Variants in OR4N5 observed in about 807,000 individuals in gnomAD.
OR4N5 encodes olfactory receptor 4N5.
For synonymous variants in OR4N5, 155 were observed against 140.6 expected (o/e 1.10, Z -0.72); for missense variants, 428 against 370.0 (o/e 1.16, Z -1.29).
Position 20,144,585 on chromosome 14 carries a change from CCT to C in OR4N5, c.851_852del (p.Pro284ArgfsTer75). 1 of 1,613,744 alleles carries C rather than the reference CCT, an allele frequency of 6.2e-7. No homozygotes were observed. The highest frequency in any genetic ancestry group is 8.5e-7 in the Non-Finnish European group (1 of 1,179,844). ...TACTGTCATCTTTCCTTTGATGAACCCTGTTATTTATACGCTTCGCAACCAGG... is the reference window on the plus strand; with the variant it reads ...TACTGTCATCTTTCCTTTGATGAACCGTTATTTATACGCTTCGCAACCAGG... ...FHTVIFPLMN[P>X]VIYTLRNQEV... On this transcript the variant is annotated frameshift_variant, in exon 3 of 3. Transcript: ENST00000641086. LOFTEE classifies it low-confidence loss of function (END_TRUNC).
rs936849944 is a variant in OR4N5, at chr14:20,144,495, G to C, written c.760G>C (p.Ala254Pro). The change falls in exon 3 of 3, where the codon GCT becomes CCT. Residue 254 changes from alanine to proline, a missense_variant. Physicochemically the swap from Ala to Pro is conservative, Grantham distance 27. Transcript: ENST00000641086. ...IIIIFLMFGP[A>P]IFIYTCPFQA... Reference sequence around the variant, plus strand: ...CATTATATTTCTCATGTTTGGACCTGCTATTTTCATCTACACTTGCCCCTT... The same window carrying C: ...CATTATATTTCTCATGTTTGGACCTCCTATTTTCATCTACACTTGCCCCTT... 4.3e-6 allele frequency: 7 copies of C among 1,613,776 alleles called. No homozygotes were observed. Among genetic ancestry groups the C allele is most frequent in the Non-Finnish European group, 5.9e-6 (7 of 1,179,930 alleles).
In OR4N5 at chr14:20,145,273, T is replaced by C. The variant is rs967193516; in HGVS notation, c.*611T>C. ...AAATTATGTAGAGCATTTTAGTCAA[T>C]AAGAAGTTCAATTTATTCAGATTTC... On this transcript the variant is annotated 3_prime_UTR_variant, in exon 3 of 3. Transcript: ENST00000641086. 3.9e-5 allele frequency: 6 copies of C among 152,184 alleles called. No individual in the cohort carries two copies. Among genetic ancestry groups the C allele is most frequent in the African/African-American group, 1.4e-4 (6 of 41,464 alleles). The allele number at this position is 152,184 out of a possible 1,614,324, so 9.4% of individuals were successfully genotyped here. A position where few individuals can be genotyped will look rare whatever the true frequency, so the allele number is the denominator to read the frequency against.
In OR4N5 at chr14:20,142,269, G is replaced by A. The variant is rs1878632178; in HGVS notation, c.-12+1058G>A. Among the ~76,000 whole-genome samples, 4 of 152,026 alleles carry A rather than the reference G, an allele frequency of 2.6e-5. No homozygotes were observed. The South Asian group carries it at 8.3e-4, about 31-fold the overall frequency. ...GCCTCCTGAGTAGCTGGGACTACAA[G>A]CACCAGCCACCACACCCAGCTAATT... On this transcript the variant is annotated intron_variant, in intron 2 of 2. Coordinates refer to ENST00000641086, the MANE Select transcript of OR4N5 (RefSeq NM_001004724.2).
chr14:20,139,574 G>A (rs575142233), intron 1 of OR4N5, among the ~76,000 whole-genome samples: 1 of 151,980 alleles, frequency 6.6e-6, no homozygotes, highest in South Asian at 2.1e-4. Flanking sequence ...TTAATCCCAG[G>A]GCAGTGACAA....
chr14:20,143,929 A>C lies in OR4N5; in HGVS notation c.194A>C (p.Asn65Thr), dbSNP rs1361630087. The C allele has an allele frequency of 1.9e-6, 3 of 1,613,896 alleles. No individual in the cohort carries two copies. In the African/African-American group the frequency reaches 4.0e-5, roughly 22 times the overall value. Reference sequence around the variant, plus strand: ...GCCCCCCTCTATTTCTTTCTGGGCAACTTGGCCTTACTGGATGCATCCTAC... The same window carrying C: ...GCCCCCCTCTATTTCTTTCTGGGCACCTTGGCCTTACTGGATGCATCCTAC... ...LTAPLYFFLG[N>T]LALLDASYSF... The change falls in exon 3 of 3, where the codon AAC becomes ACC. Residue 65 changes from asparagine to threonine, a missense_variant. Asn to Thr is a moderately conservative substitution (Grantham distance 65). Transcript: ENST00000641086.
rs1233606102 is a variant in OR4N5 at position 20,144,254 on chromosome 14, G to T, written c.519G>T (p.Gln173His). Residue 173 changes from glutamine (Q) to histidine (H), a missense_variant, in exon 3 of 3, where the codon CAG (glutamine) becomes CAT (histidine). By Grantham distance (24) the Gln-to-His change is conservative. Transcript: ENST00000641086. ...ACTTGCCTTTCTGTGGCCCAAACCA[G>T]CTCGATAACTTCTTCTGTGATGTTC... ...ILHLPFCGPN[Q>H]LDNFFCDVPQ... 6.2e-7 allele frequency: 1 copy of T among 1,614,040 alleles called. No homozygotes were observed. Among genetic ancestry groups the T allele is most frequent in the East Asian group, 2.2e-5 (1 of 44,860 alleles).
At chr14:20,143,648 C>A in intron 2 of OR4N5, 77 bp from the exon 3 acceptor site, 1 of 973,082 alleles carries the variant, frequency 1.0e-6, no homozygotes, top group Non-Finnish European at 1.6e-6. Context: ...AAATAATGTT[C>A]TTATCTGGAG....
rs547356641 is a variant in OR4N5, at chr14:20,144,132, T to G, written c.397T>G (p.Ser133Ala). The part of the protein sequence containing the change: ...YIAICRPLHY[S>A]TIMNPRACYA... Reference sequence around the variant, plus strand: ...CGCCATCTGCCGGCCTTTACACTATTCAACCATCATGAACCCTAGAGCCTG... The same window carrying G: ...CGCCATCTGCCGGCCTTTACACTATGCAACCATCATGAACCCTAGAGCCTG... The change falls in exon 3 of 3, where the codon TCA (serine) becomes GCA (alanine). Residue 133 changes from serine (S) to alanine (A), a missense_variant. Physicochemically the swap from Ser to Ala is moderately conservative, Grantham distance 99. Coordinates refer to ENST00000641086, the MANE Select transcript of OR4N5 (RefSeq NM_001004724.2). 1.4e-5 allele frequency: 23 copies of G among 1,614,154 alleles called. No homozygotes were observed. In the South Asian group the frequency reaches 2.3e-4, roughly 16 times the overall value.
At chr14:20,140,667 AGTAT>A (rs1566558748) in intron 1 of OR4N5, among the ~76,000 whole-genome samples, 172 bp from the exon 2 acceptor site, 2 of 152,264 alleles carry the variant, frequency 1.3e-5, no homozygotes, top group African/African-American at 2.4e-5. Flanking sequence ...GTGCCAAAGG[AGTAT>A]GTATGTATGT....
chr14:20,144,765 T>C lies in OR4N5; in HGVS notation c.*103T>C. On this transcript the variant is annotated 3_prime_UTR_variant, in exon 3 of 3. Coordinates refer to ENST00000641086, the MANE Select transcript of OR4N5 (RefSeq NM_001004724.2). Reference sequence around the variant, plus strand: ...TCAGTCAGTCATTTAGCAAGTATTATAATTATTAAGTACTTCCCATTTTCA... The same window carrying C: ...TCAGTCAGTCATTTAGCAAGTATTACAATTATTAAGTACTTCCCATTTTCA... 1 of 735,262 alleles carries C rather than the reference T, an allele frequency of 1.4e-6. No homozygotes were observed. The highest frequency in any genetic ancestry group is 2.2e-6 in the Non-Finnish European group (1 of 450,724). 45.5% of individuals were successfully genotyped at this position (735,262 alleles called of 1,614,324 possible).
intron 1 of OR4N5, among the ~76,000 whole-genome samples, chr14:20,140,319 T>A (rs1878591736): frequency 6.6e-6 from 1 of 151,632 alleles, no homozygotes; most frequent in Non-Finnish European, 1.5e-5. Context: ...GGAAGATAAA[T>A]TGCAAGAAAA....
chr14:20,139,960 CT>C (rs1878584328), intron 1 of OR4N5, among the ~76,000 whole-genome samples: 1 of 152,038 alleles, frequency 6.6e-6, no homozygotes, highest in South Asian at 2.1e-4. Context: ...GTGACAAAAC[CT>C]GAAGTAATTA....
rs376533624 is a variant in OR4N5, at chr14:20,144,490, G to C, written c.755G>C (p.Gly252Ala). 1 of 1,613,696 alleles carries C rather than the reference G, an allele frequency of 6.2e-7. No individual in the cohort carries two copies. Among genetic ancestry groups the C allele is most frequent in the Non-Finnish European group, 8.5e-7 (1 of 1,179,914 alleles). ...ATTATCATTATATTTCTCATGTTTGGACCTGCTATTTTCATCTACACTTGC... is the reference window on the plus strand; with the variant it reads ...ATTATCATTATATTTCTCATGTTTGCACCTGCTATTTTCATCTACACTTGC... Reference protein sequence around the residue: ...THIIIIFLMFGPAIFIYTCPF... With the variant: ...THIIIIFLMFAPAIFIYTCPF... The change falls in exon 3 of 3, where the codon GGA becomes GCA. Residue 252 changes from glycine to alanine, a missense_variant. Physicochemically the swap from Gly to Ala is moderately conservative, Grantham distance 60 (BLOSUM62 0). Coordinates refer to ENST00000641086, the MANE Select transcript of OR4N5 (RefSeq NM_001004724.2).
In OR4N5 at chr14:20,141,024, T is replaced by C. The variant is rs1878605440; in HGVS notation, c.-199T>C. The C allele has an allele frequency of 6.6e-6, 1 of 152,096 alleles. No individual in the cohort carries two copies. The highest frequency in any genetic ancestry group is 1.5e-5 in the Non-Finnish European group (1 of 67,994). The allele number at this position is 152,096 out of a possible 1,614,324, so 9.4% of individuals were successfully genotyped here. On this transcript the variant is annotated 5_prime_UTR_variant, in exon 2 of 3. Transcript: ENST00000641086. ...GGACAAAGGAAAGAAGAAAAGTGGA[T>C]TAAAGATGTTGAGTAACATGGAATT...
Position 20,144,279 on chromosome 14 carries a change from C to T in OR4N5, c.544C>T (p.Pro182Ser), listed in dbSNP as rs1045263773. The T allele has an allele frequency of 1.2e-6, 2 of 1,614,058 alleles. No homozygotes were observed. The highest frequency in any genetic ancestry group is 1.7e-6 in the Non-Finnish European group (2 of 1,179,988). Residue 182 changes from proline (P) to serine (S), a missense_variant, in exon 3 of 3, where the codon CCA becomes TCA. By Grantham distance (74) the Pro-to-Ser change is moderately conservative (BLOSUM62 -1). Transcript: ENST00000641086. The stretch of plus-strand genomic sequence containing the variant: ...GCTCGATAACTTCTTCTGTGATGTT[C>T]CACAGGTCATCAAGCTGGCCTGCAC... The part of the protein sequence containing the change: ...NQLDNFFCDV[P>S]QVIKLACTNT...
In OR4N5 at chr14:20,144,796, T is replaced by G; in HGVS notation, c.*134T>G. ...TTAAGTACTTCCCATTTTCAGGCAC[T>G]ATTCCAGGCATATGAATGAGACAGG... is the stretch of plus-strand genomic sequence containing the variant. On this transcript the variant is annotated 3_prime_UTR_variant, in exon 3 of 3. Coordinates refer to ENST00000641086, the MANE Select transcript of OR4N5 (RefSeq NM_001004724.2). 1.6e-6 allele frequency: 1 copy of G among 625,052 alleles called. No homozygotes were observed. The highest frequency in any genetic ancestry group is 2.7e-5 in the East Asian group (1 of 36,530). The allele number at this position is 625,052 out of a possible 1,614,324, so 38.7% of individuals were successfully genotyped here. A position where few individuals can be genotyped will look rare whatever the true frequency, so the allele number is the denominator to read the frequency against.
intron 2 of OR4N5, among the ~76,000 whole-genome samples, chr14:20,142,148 T>C (rs968672227): frequency 6.6e-4 from 100 of 152,098 alleles, no homozygotes; most frequent in African/African-American, 2.4e-3. Flanking sequence ...TTTTTTGAGA[T>C]GGAGTCTCGC....
At position 20,145,414 on chromosome 14, in the gene OR4N5, T is replaced by G. The variant is rs1458510099; in HGVS notation, c.*752T>G. The G allele has an allele frequency of 1.3e-5, 2 of 152,192 alleles. No individual in the cohort carries two copies. Among genetic ancestry groups the G allele is most frequent in the Non-Finnish European group, 2.9e-5 (2 of 68,030 alleles). The allele number at this position is 152,192 out of a possible 1,614,324, so 9.4% of individuals were successfully genotyped here. ...CAGAACTATGAGTAGTAAAATATCA[T>G]TAAGTGGAAAGTGCGTGCTGCTAAG... is the stretch of plus-strand genomic sequence containing the variant. On this transcript the variant is annotated 3_prime_UTR_variant, in exon 3 of 3. Coordinates refer to ENST00000641086, the MANE Select transcript of OR4N5 (RefSeq NM_001004724.2).
chr14:20,143,726 G>C lies in OR4N5; in HGVS notation c.-10G>C. ...AATTTGCCCTATTTTATTCTGCAGA[G>C]TGAGAAATTATGGAAACACAGAACC... On this transcript the variant is annotated splice_region_variant and 5_prime_UTR_variant, in exon 3 of 3. Transcript: ENST00000641086. 6.3e-7 allele frequency: 1 copy of C among 1,587,872 alleles called. No individual in the cohort carries two copies. Among genetic ancestry groups the C allele is most frequent in the Non-Finnish European group, 8.6e-7 (1 of 1,166,714 alleles).
Sources: allele counts gnomAD v4.1 joint callset (sites outside exome capture counted in the v4.1 genomes callset), GRCh38; gene constraint gnomAD v4.1.1; transcripts MANE v1.5; gene names NCBI Gene and HGNC (gene_info 2026-07-23, HGNC 2026-07-21).